Variants in ZNF215 observed in about 807,000 individuals in gnomAD.
ZNF215 encodes zinc finger protein 215.
Under a neutral mutation model 27.2 loss-of-function variants are expected in ZNF215, and 24 were observed. The observed-to-expected ratio is 0.88, with a 90% CI of 0.64 to 1.24. ZNF215 has a LOEUF of 1.24. Ranked by LOEUF, ZNF215 falls within the 50% of genes most tolerant of loss-of-function variation. The pLI, the probability that ZNF215 is intolerant of heterozygous loss-of-function variation, is 0.00. For missense variants in ZNF215, 675 were observed against 605.7 expected (o/e 1.11, Z -1.20); for synonymous variants, 210 against 204.0 (o/e 1.03, Z -0.25).
chr11:6,934,124 T>G (rs1849359215), intron 3 of ZNF215, among the ~76,000 whole-genome samples: 1 of 152,152 alleles, frequency 6.6e-6, no homozygotes, highest in South Asian at 2.1e-4. Context: ...AAAATTTTCT[T>G]AATGAGCAAA....
At chr11:6,950,052 G>T (rs1357658798) in intron 6 of ZNF215, among the ~76,000 whole-genome samples, 12 of 151,678 alleles carry the variant, frequency 7.9e-5, no homozygotes, top group South Asian at 6.3e-4. Context: ...TAGATATGCG[G>T]CGTTATTTCT....
At position 6,926,536 on chromosome 11, in the gene ZNF215, T is replaced by G. The variant is rs1849045968; in HGVS notation, c.-475T>G. The G allele has an allele frequency of 6.6e-6, 1 of 152,236 alleles. No homozygotes were observed. The highest frequency in any genetic ancestry group is 2.1e-4 in the South Asian group (1 of 4,818). The allele number at this position is 152,236 out of a possible 1,614,324, so 9.4% of individuals were successfully genotyped here. On this transcript the variant is annotated 5_prime_UTR_variant, in exon 1 of 7. Coordinates refer to ENST00000278319, the MANE Select transcript of ZNF215 (RefSeq NM_013250.4). ...GCGCGTGCGCAAGAGTGCGTCGAGG[T>G]TGTTCCGCGGCAATTTATGAAACTC...
chr11:6,985,238 T>G (rs72848571), downstream of ZNF215, among the ~76,000 whole-genome samples: 9,174 of 152,244 alleles, frequency 0.06, 390 homozygotes, highest in East Asian at 0.16. Context: ...GCAAGATTGA[T>G]TCAACAAATG....
chr11:6,983,587 A>G (rs1397990334), intron 5 of ZNF215, among the ~76,000 whole-genome samples: 1 of 152,224 alleles, frequency 6.6e-6, no homozygotes, highest in Non-Finnish European at 1.5e-5. Flanking sequence ...AAATGTATCA[A>G]AGTTTTAAAT....
At chr11:6,954,107 A>T (rs1426464648) in intron 6 of ZNF215, among the ~76,000 whole-genome samples, 2 of 152,078 alleles carry the variant, frequency 1.3e-5, no homozygotes, top group Non-Finnish European at 2.9e-5. Context: ...TTTGTCTCAG[A>T]GGAATACCCG....
chr11:6,956,215 G>A lies in ZNF215; in HGVS notation c.1238G>A (p.Gly413Glu), dbSNP rs757231811. The change falls in exon 7 of 7, where the codon GGG (glycine) becomes GAG (glutamate). Residue 413 changes from glycine (G) to glutamate (E), a missense_variant. Physicochemically the swap from Gly to Glu is moderately conservative, Grantham distance 98. Coordinates refer to ENST00000278319, the MANE Select transcript of ZNF215 (RefSeq NM_013250.4). Reference protein sequence around the residue: ...GEKPYKCSECGRFFNRRTNLT... With the variant: ...GEKPYKCSECERFFNRRTNLT... ...AAACCCTATAAATGCAGTGAATGTG[G>A]GAGATTCTTCAACCGACGTACAAAC... is the stretch of plus-strand genomic sequence containing the variant. The A allele has an allele frequency of 6.2e-7, 1 of 1,613,076 alleles. No homozygotes were observed. The highest frequency in any genetic ancestry group is 8.5e-7 in the Non-Finnish European group (1 of 1,179,670).
intron 3 of ZNF215, among the ~76,000 whole-genome samples, chr11:6,937,063 C>T (rs1395674592): frequency 4.0e-5 from 6 of 151,874 alleles, no homozygotes; most frequent in African/African-American, 1.2e-4. Flanking sequence ...CAATGTCATA[C>T]TAAACGTTCT....
chr11:6,976,435 A>C (rs998650586), intron 5 of ZNF215, among the ~76,000 whole-genome samples: 3 of 152,190 alleles, frequency 2.0e-5, no homozygotes, highest in South Asian at 2.1e-4. Flanking sequence ...GAGAACTGGC[A>C]GTGTTTAATT....
At chr11:6,946,672 T>C (rs1049005729) in intron 6 of ZNF215, among the ~76,000 whole-genome samples, 1 of 152,202 alleles carries the variant, frequency 6.6e-6, no homozygotes, top group Admixed American at 6.5e-5. Context: ...CTTGGTTTTT[T>C]TCAGTTGTAC....
intron 6 of ZNF215, among the ~76,000 whole-genome samples, chr11:6,952,192 G>A (rs1427569965): frequency 1.3e-5 from 2 of 152,104 alleles, no homozygotes; most frequent in East Asian, 3.8e-4. Flanking sequence ...GTGTGGTGCT[G>A]AAAAAAATGT....
chr11:6,973,139 A>C (rs925925362), intron 5 of ZNF215, among the ~76,000 whole-genome samples: 1 of 152,128 alleles, frequency 6.6e-6, no homozygotes, highest in Non-Finnish European at 1.5e-5. Flanking sequence ...GAGTGAGAAC[A>C]TGCAGTGTTT....
intron 5 of ZNF215, among the ~76,000 whole-genome samples, chr11:6,978,822 T>C (rs1311168054): frequency 6.6e-6 from 1 of 152,042 alleles, no homozygotes; most frequent in African/African-American, 2.4e-5. Context: ...CATAATAAAA[T>C]GTTGGAAATG....
At chr11:6,970,775 C>A (rs1850703610) in intron 5 of ZNF215, among the ~76,000 whole-genome samples, 1 of 152,176 alleles carries the variant, frequency 6.6e-6, no homozygotes, top group African/African-American at 2.4e-5. Flanking sequence ...ATACCTACTA[C>A]AACATATGCT....
chr11:6,949,826 G>A (rs879624270), intron 6 of ZNF215, among the ~76,000 whole-genome samples: 16 of 151,944 alleles, frequency 1.1e-4, no homozygotes, highest in Admixed American at 8.5e-4. Context: ...GTCCTGAATG[G>A]TAATGCCTAG....
intron 2 of ZNF215, 142 bp downstream of exon 2, chr11:6,927,949 G>A (rs2133127450): frequency 6.6e-6 from 1 of 152,274 alleles, no homozygotes; most frequent in Non-Finnish European, 1.5e-5. Flanking sequence ...CCTATCAGGA[G>A]CTTCAGCTGT....
chr11:6,943,209 CG>C lies in ZNF215; in HGVS notation c.611del (p.Arg204LeufsTer23). The C allele has an allele frequency of 6.2e-7, 1 of 1,611,168 alleles. No homozygotes were observed. ...LENFRNLNSL[R>X]KAHLLSKPFE... ...AAACTTTAGGAACCTGAATTCATTG[CG>C]TAAAGGTGGTTTCTATATGTTTACC... On this transcript the variant is annotated frameshift_variant, in exon 5 of 7. Coordinates refer to ENST00000278319, the MANE Select transcript of ZNF215 (RefSeq NM_013250.4). LOFTEE classifies it high-confidence loss of function.
rs1346090444 is a variant in ZNF215 at position 6,932,745 on chromosome 11, G to A, written c.400+73G>A. 4.9e-6 allele frequency: 7 copies of A among 1,426,268 alleles called. No individual in the cohort carries two copies. The East Asian group carries it at 1.4e-4, about 29-fold the overall frequency. The allele number at this position is 1,426,268 out of a possible 1,614,324, so 88.4% of individuals were successfully genotyped here. The stretch of plus-strand genomic sequence containing the variant: ...TAAAGAGAAATTATCTTTTTTTGAG[G>A]CCAGAGAGTATCAAGTGCCAGATCT... On this transcript the variant is annotated intron_variant, in intron 3 of 6. Transcript: ENST00000278319.
In ZNF215 at chr11:6,944,232, C is replaced by T. The variant is rs147337767; in HGVS notation, c.712+591C>T. Among the ~76,000 whole-genome samples the T allele has an allele frequency of 7.0e-3, 1,071 of 151,958 alleles. 15 individuals are homozygous for T. The highest frequency in any genetic ancestry group is 0.022 in the African/African-American group (893 of 41,464). ...CGGAGCTTGCAGTGAGCCAAGATCG[C>T]ACCACTGCACTCCAGCCTGGGCAAC... On this transcript the variant is annotated intron_variant, in intron 6 of 6. Transcript: ENST00000278319.
At chr11:6,981,022 G>A (rs1850940367) in intron 5 of ZNF215, among the ~76,000 whole-genome samples, 1 of 150,968 alleles carries the variant, frequency 6.6e-6, no homozygotes. Flanking sequence ...TTGGACATTT[G>A]GGTTGGTTCC....
Sources: allele counts gnomAD v4.1 joint callset (sites outside exome capture counted in the v4.1 genomes callset), GRCh38; gene constraint gnomAD v4.1.1; transcripts MANE v1.5; gene names NCBI Gene and HGNC (gene_info 2026-07-23, HGNC 2026-07-21).